Variants in BBS9 observed in about 807,000 individuals in gnomAD.
BBS9 encodes the protein protein PTHB1.
BBS9 carries 89 observed loss-of-function variants against 117.7 expected under a neutral mutation model. The observed-to-expected ratio is 0.76, with a 90% confidence interval of 0.64 to 0.90. The LOEUF is 0.90. Among genes scored for constraint, BBS9 ranks in the 40% least tolerant of loss-of-function variants. The pLI, the probability that BBS9 is intolerant of heterozygous loss-of-function variation, is 0.00. For synonymous variants in BBS9, 379 were observed against 370.9 expected, an observed-to-expected ratio of 1.02 and a Z score of -0.25; for missense variants, 982 against 1,042.2, an observed-to-expected ratio of 0.94 and a Z score of 0.80.
chr7:33,305,830 G>C (rs1182287326), intron 9 of BBS9, among the ~76,000 whole-genome samples: 1 of 151,546 alleles, frequency 6.6e-6, no homozygotes, highest in African/African-American at 2.4e-5. Flanking sequence ...TGCCAATTTT[G>C]TTTACCTTTT....
At chr7:33,472,227 A>C (rs1462411096) in intron 19 of BBS9, among the ~76,000 whole-genome samples, 1 of 152,220 alleles carries the variant, frequency 6.6e-6, no homozygotes, top group South Asian at 2.1e-4. Flanking sequence ...AGCACTGTGA[A>C]GATGTCCAGG....
chr7:33,426,073 G>T, intron 19 of BBS9, among the ~76,000 whole-genome samples: 1 of 152,144 alleles, frequency 6.6e-6, no homozygotes, highest in Non-Finnish European at 1.5e-5. Context: ...TTGGCATGAA[G>T]AGAACGGAAA....
intron 9 of BBS9, among the ~76,000 whole-genome samples, chr7:33,312,906 G>T (rs887497330): frequency 1.3e-5 from 2 of 151,922 alleles, no homozygotes; most frequent in Non-Finnish European, 2.9e-5. Flanking sequence ...GAGATTTTTG[G>T]GTTGTTTCTT....
In BBS9 at chr7:33,254,213, C is replaced by G. The variant is rs1796663153; in HGVS notation, c.443-3023C>G. On this transcript the variant is annotated intron_variant, in intron 5 of 22. Coordinates refer to ENST00000242067, the MANE Select transcript of BBS9 (RefSeq NM_198428.3). ...TCTCACAGCTGACAGTGTCTTCACC[C>G]CCTTTCTAATTTACCACTTTCTTTT... Among the ~76,000 whole-genome samples the G allele has an allele frequency of 2.0e-5, 3 of 152,018 alleles. No homozygotes were observed. In the South Asian group the frequency reaches 6.2e-4, roughly 32 times the overall value.
chr7:33,405,712 G>A (rs1228993458), intron 19 of BBS9, among the ~76,000 whole-genome samples: 1 of 152,028 alleles, frequency 6.6e-6, no homozygotes, highest in Non-Finnish European at 1.5e-5. Context: ...ATTTTTTATT[G>A]CATCTATTTG....
At chr7:33,566,540 G>T (rs1208052971) in intron 21 of BBS9, among the ~76,000 whole-genome samples, 1 of 151,960 alleles carries the variant, frequency 6.6e-6, no homozygotes. Context: ...AAGAGGAGTT[G>T]CTCTGTTGTT....
chr7:33,305,900 A>G (rs1035957441), intron 9 of BBS9, among the ~76,000 whole-genome samples: 9 of 151,412 alleles, frequency 5.9e-5, no homozygotes, highest in Admixed American at 2.0e-4. Flanking sequence ...TTTTAGTGTT[A>G]TTTATTTTTG....
At chr7:33,196,803 T>C (rs148590477) in intron 5 of BBS9, among the ~76,000 whole-genome samples, 70 of 152,322 alleles carry the variant, frequency 4.6e-4, no homozygotes, top group African/African-American at 1.4e-3. Context: ...TTTTCTCATA[T>C]ACATGGCATT....
At chr7:33,271,070 A>G (rs574660141) in intron 7 of BBS9, among the ~76,000 whole-genome samples, 3 of 152,342 alleles carry the variant, frequency 2.0e-5, no homozygotes, top group South Asian at 4.1e-4. Flanking sequence ...ATATTCATAA[A>G]GAAAAAATAT....
chr7:33,146,224 T>C lies in BBS9; in HGVS notation c.-11-18T>C. 3 of 1,519,306 alleles carry C rather than the reference T, an allele frequency of 2.0e-6. No individual in the cohort carries two copies. Among genetic ancestry groups the C allele is most frequent in the African/African-American group, 1.4e-5 (1 of 73,088 alleles). The allele number at this position is 1,519,306 out of a possible 1,614,324, so 94.1% of individuals were successfully genotyped here. On this transcript the variant is annotated intron_variant, in intron 1 of 22. Coordinates refer to ENST00000242067, the MANE Select transcript of BBS9 (RefSeq NM_198428.3). ...GTTCATAGTGTGAAGTAGATTATTA[T>C]AAATGTTTTCTTTTTAGTGTGAAAG... is the stretch of plus-strand genomic sequence containing the variant.
chr7:33,279,567 G>A (rs1280824788), intron 9 of BBS9, among the ~76,000 whole-genome samples: 3 of 152,162 alleles, frequency 2.0e-5, no homozygotes, highest in Admixed American at 1.3e-4. Flanking sequence ...TTTAGATCAA[G>A]TTGATGCAAT....
chr7:33,542,752 T>C (rs1428020096), intron 21 of BBS9, among the ~76,000 whole-genome samples: 1 of 150,596 alleles, frequency 6.6e-6, no homozygotes, highest in Non-Finnish European at 1.5e-5. Context: ...TGTATATATA[T>C]ATACACGTAT....
At chr7:33,219,600 A>C (rs992350742) in intron 5 of BBS9, among the ~76,000 whole-genome samples, 1 of 152,028 alleles carries the variant, frequency 6.6e-6, no homozygotes, top group Non-Finnish European at 1.5e-5. Flanking sequence ...GTGTCTAGCT[A>C]CTCTGGTGGG....
At chr7:33,202,297 CTG>C (rs1348487539) in intron 5 of BBS9, among the ~76,000 whole-genome samples, 1 of 152,136 alleles carries the variant, frequency 6.6e-6, no homozygotes, top group Admixed American at 6.5e-5. Flanking sequence ...GAGATAAAAA[CTG>C]TGCTTGCCCA....
intron 4 of BBS9, among the ~76,000 whole-genome samples, chr7:33,170,167 C>A (rs1433597006): frequency 2.0e-5 from 3 of 151,528 alleles, no homozygotes; most frequent in East Asian, 1.9e-4. Flanking sequence ...AATTTTAGAC[C>A]AATATACTTG....
At chr7:33,154,305 C>T (rs1793778206) in intron 3 of BBS9, among the ~76,000 whole-genome samples, 1 of 152,114 alleles carries the variant, frequency 6.6e-6, no homozygotes, top group African/African-American at 2.4e-5. Flanking sequence ...GATACTAACA[C>T]TCTGAAAGTT....
intron 20 of BBS9, among the ~76,000 whole-genome samples, chr7:33,511,868 G>T (rs1847025794): frequency 6.6e-6 from 1 of 152,144 alleles, no homozygotes; most frequent in South Asian, 2.1e-4. Flanking sequence ...TTAATGTAAG[G>T]GCCATTGTGC....
At chr7:33,566,198 A>T (rs1210662923) in intron 21 of BBS9, among the ~76,000 whole-genome samples, 3 of 151,888 alleles carry the variant, frequency 2.0e-5, no homozygotes, top group Admixed American at 2.0e-4. Context: ...TATTGTTAAG[A>T]TATTGGCATA....
intron 19 of BBS9, among the ~76,000 whole-genome samples, chr7:33,498,839 A>G (rs554881327): frequency 7.7e-4 from 117 of 152,310 alleles, no homozygotes; most frequent in Non-Finnish European, 1.4e-3. Context: ...GCAGGTTTTT[A>G]AATGGACATA....
Sources: allele counts gnomAD v4.1 joint callset (sites outside exome capture counted in the v4.1 genomes callset), GRCh38; gene constraint gnomAD v4.1.1; transcripts MANE v1.5; gene names NCBI Gene and HGNC (gene_info 2026-07-23, HGNC 2026-07-21).